Variants in TNN observed in about 807,000 individuals in gnomAD.
TNN encodes tenascin-N.
In TNN, 122 loss-of-function variants were observed where a neutral mutation model predicts 134.4. That is an observed-to-expected ratio of 0.91 (90% CI 0.78 to 1.06). TNN has a LOEUF of 1.06. Among genes scored for constraint, TNN ranks in the 50% least tolerant of loss-of-function variants. The pLI, the probability that TNN is intolerant of heterozygous loss-of-function variation, is 0.00. For synonymous variants in TNN, 710 were observed against 670.3 expected (o/e 1.06, Z -0.91); for missense variants, 1,739 against 1,699.4 (o/e 1.02, Z -0.41).
chr1:175,118,811 C>G lies in TNN; in HGVS notation c.2637C>G (p.Thr879=). The part of the protein sequence containing the change: ...KGNQESKKAD[T]KAQTEIDGPK... ...ACCAGGAGAGCAAGAAGGCTGACAC[C>G]AAGGCCCAGACAGGTAATAGAAGTG... The change falls in exon 11 of 19, where the codon ACC becomes ACG. Residue 879 remains threonine, a synonymous_variant. Coordinates refer to ENST00000239462, the MANE Select transcript of TNN (RefSeq NM_022093.2). 6.2e-7 allele frequency: 1 copy of G among 1,614,176 alleles called. No homozygotes were observed. Among genetic ancestry groups the G allele is most frequent in the Non-Finnish European group, 8.5e-7 (1 of 1,180,036 alleles).
intron 9 of TNN, among the ~76,000 whole-genome samples, chr1:175,106,434 G>A (rs1019163308): frequency 1.2e-4 from 18 of 145,900 alleles, no homozygotes; most frequent in African/African-American, 3.2e-4. Flanking sequence ...TCCCCACTAC[G>A]ATGGGGCCTT....
intron 17 of TNN, among the ~76,000 whole-genome samples, chr1:175,138,962 A>T (rs758962319): frequency 9.9e-5 from 15 of 152,230 alleles, no homozygotes; most frequent in Non-Finnish European, 1.6e-4. Flanking sequence ...GGATCTAAAT[A>T]TATGTAAACA....
intron 12 of TNN, among the ~76,000 whole-genome samples, chr1:175,124,413 G>T (rs1675457763): frequency 1.3e-5 from 2 of 152,204 alleles, no homozygotes; most frequent in Admixed American, 1.3e-4. Flanking sequence ...AGGCGCGGTG[G>T]CTCATGCCTG....
intron 6 of TNN, among the ~76,000 whole-genome samples, chr1:175,092,212 A>T (rs923800771): frequency 6.6e-6 from 1 of 152,214 alleles, no homozygotes; most frequent in Non-Finnish European, 1.5e-5. Flanking sequence ...GACATGCAGG[A>T]TCATGTCTTG....
At chr1:175,108,773 T>C (rs1674934055) in intron 9 of TNN, among the ~76,000 whole-genome samples, 1 of 150,484 alleles carries the variant, frequency 6.6e-6, no homozygotes, top group Non-Finnish European at 1.5e-5. Context: ...TCCAAGCCCA[T>C]GCCCACCTAG....
intron 9 of TNN, among the ~76,000 whole-genome samples, chr1:175,101,079 G>A (rs1440287744): frequency 6.6e-6 from 1 of 152,206 alleles, no homozygotes; most frequent in East Asian, 1.9e-4. Context: ...GTCATCCTGT[G>A]TCCGGAATTG....
At chr1:175,079,836 C>A (rs1674157635) in intron 3 of TNN, 129 bp downstream of exon 3, 2 of 1,299,464 alleles carry the variant, frequency 1.5e-6, no homozygotes, top group Non-Finnish European at 2.0e-6. Context: ...AGTCCCAACC[C>A]CAGAGTTTCT....
At chr1:175,116,861 T>C (rs1675191452) in intron 9 of TNN, 78 bp from the exon 10 acceptor site, 1 of 1,599,996 alleles carries the variant, frequency 6.3e-7, no homozygotes, top group Non-Finnish European at 8.6e-7. Flanking sequence ...GAAACTGCCT[T>C]ACCACAAGTA....
In TNN at chr1:175,136,829, A is replaced by G; in HGVS notation, c.3436A>G (p.Lys1146Glu). ...PMKEFWLGLDKLHNLTTGTPA... is the reference protein window; with the variant it reads ...PMKEFWLGLDELHNLTTGTPA... ...CCGTTTTTTATTTTTAGGACTTGAC[A>G]AGCTACACAACCTCACCACCGGCAC... Residue 1146 changes from lysine (K) to glutamate (E), a missense_variant, in exon 17 of 19, where the codon AAG (lysine) becomes GAG (glutamate). Coordinates refer to ENST00000239462, the MANE Select transcript of TNN (RefSeq NM_022093.2). 4 of 1,613,160 alleles carry G rather than the reference A, an allele frequency of 2.5e-6. No individual in the cohort carries two copies. The highest frequency in any genetic ancestry group is 3.4e-6 in the Non-Finnish European group (4 of 1,179,616).
intron 7 of TNN, among the ~76,000 whole-genome samples, chr1:175,094,559 A>G (rs1361231525): frequency 1.3e-5 from 2 of 152,194 alleles, no homozygotes; most frequent in African/African-American, 4.8e-5. Context: ...AACTCAAAAC[A>G]TTGGGCTGAC....
chr1:175,090,164 T>G (rs1422543052), intron 6 of TNN, among the ~76,000 whole-genome samples: 2 of 152,230 alleles, frequency 1.3e-5, no homozygotes, highest in Non-Finnish European at 1.5e-5. Flanking sequence ...CTACAAAGTT[T>G]AGGAGACTCA....
At position 175,106,375 on chromosome 1, in the gene TNN, C is replaced by T. The variant is rs1054539295; in HGVS notation, c.2119+7780C>T. On this transcript the variant is annotated intron_variant, in intron 9 of 18. Coordinates refer to ENST00000239462, the MANE Select transcript of TNN (RefSeq NM_022093.2). ...CCCCATATCCTAGCTTCAGGAATAA[C>T]TTTTGTTAGGCCTGTTAGTCTGAGG... Among the ~76,000 whole-genome samples the T allele has an allele frequency of 5.5e-5, 8 of 145,720 alleles. 1 individual carries two copies. The highest frequency in any genetic ancestry group is 9.1e-5 in the Non-Finnish European group (6 of 65,722).
rs1283973215 is a variant in TNN at position 175,079,400 on chromosome 1, G to A, written c.477G>A (p.Glu159=). 12 of 1,596,742 alleles carry A rather than the reference G, an allele frequency of 7.5e-6. No individual in the cohort carries two copies. The highest frequency in any genetic ancestry group is 1.7e-5 in the Admixed American group (1 of 58,788). ...AGACCTGCAGCTGCCACTGCGAAGAGGGCAGGGAGGGCCCCGCCTGCGAGC... is the reference window on the plus strand; with the variant it reads ...AGACCTGCAGCTGCCACTGCGAAGAAGGCAGGGAGGGCCCCGCCTGCGAGC... ...SLETCSCHCE[E]GREGPACERL... is the part of the protein sequence containing the mutation. Residue 159 remains glutamate, a synonymous_variant, in exon 3 of 19, where the codon GAG becomes GAA. Transcript: ENST00000239462.
At chr1:175,099,842 A>T (rs1674675789) in intron 9 of TNN, among the ~76,000 whole-genome samples, 1 of 151,922 alleles carries the variant, frequency 6.6e-6, no homozygotes, top group Admixed American at 6.6e-5. Flanking sequence ...TGGGTCTCTC[A>T]CTGTAGGCAA....
At chr1:175,073,576 G>T (rs1195161158) in intron 1 of TNN, among the ~76,000 whole-genome samples, 1 of 152,202 alleles carries the variant, frequency 6.6e-6, no homozygotes, top group Non-Finnish European at 1.5e-5. Flanking sequence ...CAGACCTGAT[G>T]CTGGAACCTG....
At position 175,098,604 on chromosome 1, in the gene TNN, T is replaced by G. The variant is rs759325568; in HGVS notation, c.2119+9T>G. ...CACCAAGGCCCAGACAGGTAAGGAGTGTGCATTATTGCTGTGCCGATGCCA... is the reference window on the plus strand; with the variant it reads ...CACCAAGGCCCAGACAGGTAAGGAGGGTGCATTATTGCTGTGCCGATGCCA... On this transcript the variant is annotated intron_variant, in intron 9 of 18. Transcript: ENST00000239462. The G allele has an allele frequency of 5.0e-6, 8 of 1,613,396 alleles. No homozygotes were observed. The South Asian group carries it at 6.6e-5, about 13-fold the overall frequency.
intron 15 of TNN, among the ~76,000 whole-genome samples, chr1:175,129,192 A>G (rs1230020715): frequency 1.3e-5 from 2 of 152,228 alleles, no homozygotes; most frequent in African/African-American, 4.8e-5. Context: ...TTTCTTAATT[A>G]CTATATTTTG....
intron 6 of TNN, among the ~76,000 whole-genome samples, chr1:175,091,522 T>C (rs1029033208): frequency 6.6e-6 from 1 of 151,912 alleles, no homozygotes; most frequent in Non-Finnish European, 1.5e-5. Context: ...GTGGACATGA[T>C]GGATCTTTCC....
intron 12 of TNN, among the ~76,000 whole-genome samples, chr1:175,124,676 C>A (rs1365333064): frequency 8.5e-6 from 1 of 118,064 alleles, no homozygotes; most frequent in Non-Finnish European, 1.8e-5. Context: ...GAGCGAGACT[C>A]CATCTCAAAA....
Sources: allele counts gnomAD v4.1 joint callset (sites outside exome capture counted in the v4.1 genomes callset), GRCh38; gene constraint gnomAD v4.1.1; transcripts MANE v1.5; gene names NCBI Gene and HGNC (gene_info 2026-07-23, HGNC 2026-07-21).